The following INPP4B variants were observed in gnomAD, a reference collection of about 807,000 sequenced individuals.
INPP4B encodes the protein inositol polyphosphate 4-phosphatase type II.
Under a neutral mutation model 122.5 loss-of-function variants are expected in INPP4B, and 55 were observed. The observed-to-expected ratio is 0.45, with a 90% CI of 0.36 to 0.56. The LOEUF (loss-of-function observed/expected upper bound fraction) is 0.56. Among genes scored for constraint, INPP4B ranks in the 20% least tolerant of loss-of-function variants. INPP4B has a pLI of 0.00. For synonymous variants in INPP4B, 403 were observed against 388.7 expected (o/e 1.04, Z -0.43); for missense variants, 1,000 against 1,097.7 (o/e 0.91, Z 1.26).
chr4:142,100,676 C>T (rs1268224286), intron 23 of INPP4B, among the ~76,000 whole-genome samples: 1 of 152,080 alleles, frequency 6.6e-6, no homozygotes. Flanking sequence ...GCAGGTTAAC[C>T]CCTTCTTGCA....
intron 2 of INPP4B, among the ~76,000 whole-genome samples, chr4:142,583,063 C>T (rs566354190): frequency 3.4e-4 from 51 of 152,102 alleles, no homozygotes; most frequent in Non-Finnish European, 4.0e-4. Context: ...CAAGGAAATC[C>T]GAACTCTGAA....
chr4:142,487,577 C>T (rs891543806), intron 2 of INPP4B, among the ~76,000 whole-genome samples: 19 of 151,874 alleles, frequency 1.3e-4, no homozygotes, highest in African/African-American at 4.4e-4. Context: ...TTTCTTAGTC[C>T]ATGGATTAAA....
intron 18 of INPP4B, among the ~76,000 whole-genome samples, chr4:142,137,817 A>G (rs1264501572): frequency 6.6e-6 from 1 of 151,884 alleles, no homozygotes; most frequent in East Asian, 1.9e-4. Context: ...AGAGAAATGC[A>G]AATCAAAACC....
At chr4:142,312,871 C>T (rs1186530554) in intron 8 of INPP4B, among the ~76,000 whole-genome samples, 3 of 152,150 alleles carry the variant, frequency 2.0e-5, no homozygotes, top group Non-Finnish European at 2.9e-5. Flanking sequence ...ATAGAGGACT[C>T]TTAACAGGTA....
rs6812425 is a variant in INPP4B at position 142,434,035 on chromosome 4, C to T, written c.-126-2650G>A. ...AATTGTAATGAGGGCAATCACTTTG[C>T]AAATATTAAATAATGCAACTTATTT... is the stretch of plus-strand genomic sequence containing the variant. On this transcript the variant is annotated intron_variant, in intron 3 of 25. Coordinates refer to ENST00000262992, the MANE Select transcript of INPP4B (RefSeq NM_001101669.3). Among the ~76,000 whole-genome samples the T allele has an allele frequency of 5.2e-3, 791 of 152,198 alleles. 6 individuals carry two copies. Among genetic ancestry groups the T allele is most frequent in the African/African-American group, 0.018 (752 of 41,522 alleles).
intron 25 of INPP4B, among the ~76,000 whole-genome samples, chr4:142,079,146 T>C (rs1218892715): frequency 6.6e-6 from 1 of 152,008 alleles, no homozygotes; most frequent in Non-Finnish European, 1.5e-5. Context: ...TACATCTTGA[T>C]ACATTTTTAA....
chr4:142,072,278 T>C (rs911674796), intron 25 of INPP4B, among the ~76,000 whole-genome samples: 2 of 151,872 alleles, frequency 1.3e-5, no homozygotes, highest in South Asian at 2.1e-4. Flanking sequence ...TAGGTGAGAA[T>C]TGAACAATGA....
chr4:142,410,606 G>A (rs1457497233), intron 5 of INPP4B, among the ~76,000 whole-genome samples: 2 of 152,112 alleles, frequency 1.3e-5, no homozygotes, highest in Non-Finnish European at 2.9e-5. Flanking sequence ...GTGTATGGAG[G>A]ATAAAGAAAT....
intron 23 of INPP4B, among the ~76,000 whole-genome samples, chr4:142,102,833 A>G (rs1471815344): frequency 1.3e-5 from 2 of 152,096 alleles, no homozygotes; most frequent in Non-Finnish European, 2.9e-5. Context: ...AGCAGGATCA[A>G]GTATAGATCC....
At position 142,141,513 on chromosome 4, in the gene INPP4B, A is replaced by T. The variant is rs550374817; in HGVS notation, c.1720+4327T>A. On this transcript the variant is annotated intron_variant, in intron 18 of 25. Coordinates refer to ENST00000262992, the MANE Select transcript of INPP4B (RefSeq NM_001101669.3). Reference sequence around the variant, plus strand: ...TCATTCATTAGGAAACCACATAAATATATATAAACTGTAGAACTTTGGAAT... The same window carrying T: ...TCATTCATTAGGAAACCACATAAATTTATATAAACTGTAGAACTTTGGAAT... Among the ~76,000 whole-genome samples the T allele has an allele frequency of 5.3e-5, 8 of 152,242 alleles. No individual in the cohort carries two copies. The East Asian group carries it at 1.5e-3, about 29-fold the overall frequency.
chr4:142,677,309 G>A (rs908040484), intron 2 of INPP4B, among the ~76,000 whole-genome samples: 4 of 152,140 alleles, frequency 2.6e-5, no homozygotes, highest in African/African-American at 9.7e-5. Context: ...TCCCATTGTA[G>A]TTAGAATGGC....
chr4:142,415,089 A>C (rs1805398499), intron 5 of INPP4B, among the ~76,000 whole-genome samples: 1 of 152,176 alleles, frequency 6.6e-6, no homozygotes, highest in Non-Finnish European at 1.5e-5. Flanking sequence ...TTTCTCCAGG[A>C]GCTGAGGTGG....
chr4:142,493,076 G>C lies in INPP4B; in HGVS notation c.-190-30350C>G, dbSNP rs150530833. Among the ~76,000 whole-genome samples, 1,277 of 152,320 alleles carry C rather than the reference G, an allele frequency of 8.4e-3. 13 individuals are homozygous for C. The highest frequency in any genetic ancestry group is 0.029 in the African/African-American group (1,212 of 41,574). ...GTACAGCTCAGGGCATTGCTTCAGA[G>C]GATGCAAGCCCCAAGACTTGGTGGC... is the stretch of plus-strand genomic sequence containing the variant. On this transcript the variant is annotated intron_variant, in intron 2 of 25. Transcript: ENST00000262992.
chr4:142,480,942 T>A (rs1055976370), intron 2 of INPP4B, among the ~76,000 whole-genome samples: 2 of 151,674 alleles, frequency 1.3e-5, no homozygotes, highest in Non-Finnish European at 2.9e-5. Context: ...AAAATCCTCA[T>A]CAGAAATGAT....
At chr4:142,263,418 A>G (rs1403111763) in intron 10 of INPP4B, among the ~76,000 whole-genome samples, 2 of 151,638 alleles carry the variant, frequency 1.3e-5, no homozygotes, top group Non-Finnish European at 2.9e-5. Flanking sequence ...TGATCCACCA[A>G]TTGTTATGGA....
Position 142,647,623 on chromosome 4 carries a change from C to A in INPP4B, c.-191+78216G>T, listed in dbSNP as rs977813535. On this transcript the variant is annotated intron_variant, in intron 2 of 25. Transcript: ENST00000262992. Reference sequence around the variant, plus strand: ...TAACCATGTGTGAGACCAGTAAATTCAAAAATACCTAGCTAGAGAGAGGGA... The same window carrying A: ...TAACCATGTGTGAGACCAGTAAATTAAAAAATACCTAGCTAGAGAGAGGGA... Among the ~76,000 whole-genome samples the A allele has an allele frequency of 2.0e-5, 3 of 152,098 alleles. No individual in the cohort carries two copies. In the East Asian group the frequency reaches 5.8e-4, roughly 29 times the overall value.
intron 25 of INPP4B, among the ~76,000 whole-genome samples, chr4:142,077,285 G>C (rs1771315817): frequency 1.3e-5 from 2 of 151,800 alleles, no homozygotes; most frequent in Non-Finnish European, 2.9e-5. Flanking sequence ...CTAATTTTAA[G>C]GAGCTATGAC....
intron 10 of INPP4B, among the ~76,000 whole-genome samples, chr4:142,267,066 G>A (rs1162751583): frequency 6.6e-6 from 1 of 152,114 alleles, no homozygotes; most frequent in Non-Finnish European, 1.5e-5. Context: ...AGATAACACA[G>A]ATAAATAGAA....
intron 14 of INPP4B, among the ~76,000 whole-genome samples, chr4:142,206,850 A>G (rs1242702044): frequency 1.3e-5 from 2 of 152,118 alleles, no homozygotes; most frequent in East Asian, 3.9e-4. Context: ...TTTTAAGTAC[A>G]CAATATAGTA....
Sources: allele counts gnomAD v4.1 joint callset (sites outside exome capture counted in the v4.1 genomes callset), GRCh38; gene constraint gnomAD v4.1.1; transcripts MANE v1.5; gene names NCBI Gene and HGNC (gene_info 2026-07-23, HGNC 2026-07-21).